Variants in TRMT2A observed in about 807,000 individuals in gnomAD.
The protein encoded by TRMT2A is tRNA (uracil-5-)-methyltransferase homolog A.
TRMT2A carries 60 observed loss-of-function variants against 59.3 expected under a neutral mutation model. The ratio of observed to expected loss-of-function variants is 1.01; its 90% CI spans 0.82 to 1.26. The LOEUF (loss-of-function observed/expected upper bound fraction) is 1.26. TRMT2A is among the 50% of genes most tolerant of loss of function. TRMT2A has a pLI of 0.00. For missense variants in TRMT2A, 863 were observed against 845.2 expected (o/e 1.02, Z -0.26); for synonymous variants, 403 against 353.7 (o/e 1.14, Z -1.56).
In TRMT2A at chr22:20,114,678, G is replaced by T. The variant is rs759361184; in HGVS notation, c.1129C>A (p.Pro377Thr). ...TCCAGGGGCAGGCCCTCCTGGCTAG[G>T]AGTCTTTCTGTGGGCGAAGGTGCAG... ...YFVEEGQRKTPSQEGLPLEHV... is the reference protein window; with the variant it reads ...YFVEEGQRKTTSQEGLPLEHV... The change falls in exon 7 of 12, where the codon CCT becomes ACT. Residue 377 changes from proline to threonine, a missense_variant. Physicochemically the swap from Pro to Thr is conservative, Grantham distance 38. Coordinates refer to ENST00000252136, the MANE Select transcript of TRMT2A (RefSeq NM_022727.6). The T allele has an allele frequency of 1.2e-6, 2 of 1,613,444 alleles. No homozygotes were observed. Among genetic ancestry groups the T allele is most frequent in the Non-Finnish European group, 1.7e-6 (2 of 1,179,990 alleles).
Position 20,113,453 on chromosome 22 carries a change from G to A in TRMT2A, c.1411C>T (p.Arg471Trp), listed in dbSNP as rs201281385. 6.5e-6 allele frequency: 9 copies of A among 1,391,758 alleles called. No homozygotes were observed. Among genetic ancestry groups the A allele is most frequent in the East Asian group, 3.8e-5 (1 of 26,078 alleles). 86.2% of individuals were successfully genotyped at this position (1,391,758 alleles called of 1,614,324 possible). ...TCACCATTGTCCTGGGCGTTCACCC[G>A]GGCGTCCTCCACAGCCTCTGGGCAT... is the stretch of plus-strand genomic sequence containing the variant. ...ELCPEAVEDARVNAQDNELSN... is the reference protein window; with the variant it reads ...ELCPEAVEDAWVNAQDNELSN... Residue 471 changes from arginine (R) to tryptophan (W), a missense_variant, in exon 9 of 12, where the codon CGG becomes TGG. By Grantham distance (101) the Arg-to-Trp change is moderately radical (BLOSUM62 -3). Coordinates refer to ENST00000252136, the MANE Select transcript of TRMT2A (RefSeq NM_022727.6).
In TRMT2A at chr22:20,116,518, T is replaced by TCCAGGGCTG; in HGVS notation, c.110_118dup (p.Ala37_Leu39dup). On this transcript the variant is annotated inframe_insertion, in exon 2 of 12. Transcript: ENST00000252136. ...CCCAGCGCCCTCTTTCTCCACCTCCTCCAGGGCTGCCGGGGCTGCAGGGGG... is the reference window on the plus strand; with the variant it reads ...CCCAGCGCCCTCTTTCTCCACCTCCTCCAGGGCTGCCAGGGCTGCCGGGGCTGCAGGGGG... 6.2e-7 allele frequency: 1 copy of TCCAGGGCTG among 1,611,168 alleles called. No individual in the cohort carries two copies. The highest frequency in any genetic ancestry group is 8.5e-7 in the Non-Finnish European group (1 of 1,179,486).
chr22:20,115,902 T>G (rs2049999277), intron 2 of TRMT2A, 122 bp from the exon 3 acceptor site: 3 of 1,376,674 alleles, frequency 2.2e-6, no homozygotes, highest in South Asian at 2.8e-5. Flanking sequence ...CACTGTGACG[T>G]GGGTGTCTTG....
Position 20,117,184 on chromosome 22 carries a change from T to C in TRMT2A, c.-278A>G. 1 of 548,100 alleles carries C rather than the reference T, an allele frequency of 1.8e-6. No homozygotes were observed. The highest frequency in any genetic ancestry group is 3.0e-6 in the Non-Finnish European group (1 of 329,624). 34.0% of individuals were successfully genotyped at this position (548,100 alleles called of 1,614,324 possible). A position where few individuals can be genotyped will look rare whatever the true frequency, so the allele number is the denominator to read the frequency against. ...GCCGGCCGCTCGCTTCGCCAGCCAC[T>C]CTTAGTCCGCCAGCGCGTGCGGCGG... On this transcript the variant is annotated 5_prime_UTR_variant, in exon 1 of 12. Transcript: ENST00000252136.
rs1340162260 is a variant in TRMT2A at position 20,115,342 on chromosome 22, C to T, written c.814G>A (p.Val272Met). The change falls in exon 4 of 12, where the codon GTG (valine) becomes ATG (methionine). Residue 272 changes from valine (V) to methionine (M), a missense_variant. Coordinates refer to ENST00000252136, the MANE Select transcript of TRMT2A (RefSeq NM_022727.6). ...TGCACGGTGTCAAACGGGGCTGCCA[C>T]AGCACACGTCCCGCCCTTGTACTTG... is the stretch of plus-strand genomic sequence containing the variant. ...LGKYKGGTCAVAAPFDTVHIP... is the reference protein window; with the variant it reads ...LGKYKGGTCAMAAPFDTVHIP... 1 of 1,612,824 alleles carries T rather than the reference C, an allele frequency of 6.2e-7. No homozygotes were observed. The highest frequency in any genetic ancestry group is 8.5e-7 in the Non-Finnish European group (1 of 1,180,002).
At chr22:20,115,503 A>G in intron 3 of TRMT2A, 56 bp from the exon 4 acceptor site, 16 of 1,581,456 alleles carry the variant, frequency 1.0e-5, no homozygotes, top group Non-Finnish European at 1.4e-5. Flanking sequence ...GGGCCTGGAA[A>G]CCCTGATTTC....
chr22:20,114,918 G>T, intron 5 of TRMT2A, 42 bp from the exon 6 acceptor site: 1 of 1,567,250 alleles, frequency 6.4e-7, no homozygotes. Flanking sequence ...CTGTGCTGAG[G>T]CCCACCTAGG....
chr22:20,112,905 ACT>A lies in TRMT2A; in HGVS notation c.1646+4_1646+5del. ...AGCCCCCACCCAGGCCCCTGCAGAC[ACT>A]CACTCCACAAAGTTGCCCATGGCTG... On this transcript the variant is annotated splice_donor_5th_base_variant and intron_variant, in intron 11 of 11. Transcript: ENST00000252136. The A allele has an allele frequency of 6.2e-7, 1 of 1,613,490 alleles. No homozygotes were observed. The highest frequency in any genetic ancestry group is 8.5e-7 in the Non-Finnish European group (1 of 1,179,958).
At chr22:20,113,546 G>A in intron 8 of TRMT2A, 39 bp from the exon 9 acceptor site, 1 of 1,611,938 alleles carries the variant, frequency 6.2e-7, no homozygotes, top group Non-Finnish European at 8.5e-7. Flanking sequence ...ACCCAGGGAG[G>A]GGAGTACATG....
Position 20,116,104 on chromosome 22 carries a change from A to G in TRMT2A, c.533T>C (p.Val178Ala). ...VADVVTPLWT[V>A]PYAEQLERKQ... The stretch of plus-strand genomic sequence containing the variant: ...CCGCTCAAGCTGCTCAGCATAGGGC[A>G]CTGTCCATAGAGGGGTCACCACGTC... Residue 178 changes from valine to alanine, a missense_variant, in exon 2 of 12, where the codon GTG (valine) becomes GCG (alanine). Transcript: ENST00000252136. The G allele has an allele frequency of 6.2e-7, 1 of 1,608,154 alleles. No homozygotes were observed. The highest frequency in any genetic ancestry group is 1.1e-5 in the South Asian group (1 of 90,800).
Position 20,114,945 on chromosome 22 carries a change from A to T in TRMT2A, c.1005+20T>A. 6.4e-7 allele frequency: 1 copy of T among 1,574,674 alleles called. No individual in the cohort carries two copies. ...CCACCTAGGCTAGGCACCCTCCCCC[A>T]GCAGGGCCCCCGTTGAGACCTGGGG... On this transcript the variant is annotated intron_variant, in intron 5 of 11. Coordinates refer to ENST00000252136, the MANE Select transcript of TRMT2A (RefSeq NM_022727.6).
Position 20,114,582 on chromosome 22 carries a change from A to C in TRMT2A, c.1225T>G (p.Phe409Val). The change falls in exon 7 of 12, where the codon TTC becomes GTC. Residue 409 changes from phenylalanine (F) to valine (V), a missense_variant. Transcript: ENST00000252136. Reference sequence around the variant, plus strand: ...CAGGGACTCATGGCTACCTGGAAGAAGGCGTGTGGAGAGATCCGGAAGGTC... The same window carrying C: ...CAGGGACTCATGGCTACCTGGAAGACGGCGTGTGGAGAGATCCGGAAGGTC... ...GLTFRISPHA[F>V]FQVNTPAAEV... The C allele has an allele frequency of 6.2e-7, 1 of 1,613,548 alleles. No homozygotes were observed. Among genetic ancestry groups the C allele is most frequent in the Non-Finnish European group, 8.5e-7 (1 of 1,179,822 alleles).
At chr22:20,114,486 C>T (rs1279755123) in intron 7 of TRMT2A, 88 bp downstream of exon 7, 48 of 1,115,984 alleles carry the variant, frequency 4.3e-5, no homozygotes, top group Middle Eastern at 2.0e-4. Flanking sequence ...CAAATCTCAC[C>T]GCCTGAGCCC....
chr22:20,113,400 T>TCCC, intron 9 of TRMT2A, 32 bp downstream of exon 9: 10 of 1,049,420 alleles, frequency 9.5e-6, no homozygotes, highest in Non-Finnish European at 1.3e-5. Flanking sequence ...GCTGCCCCCA[T>TCCC]CCCCACCCCC....
chr22:20,116,594 T>A lies in TRMT2A; in HGVS notation c.43A>T (p.Ser15Cys). The A allele has an allele frequency of 6.5e-7, 1 of 1,548,172 alleles. No individual in the cohort carries two copies. Among genetic ancestry groups the A allele is most frequent in the Non-Finnish European group, 8.7e-7 (1 of 1,152,646 alleles). ...GCACTGCTGCTCTCCTGGCCACAGC[T>A]CTCCATGGGCTTCGGGCCCTGTGTG... Reference protein sequence around the residue: ...LDNEGPKPMESCGQESSSALS... With the variant: ...LDNEGPKPMECCGQESSSALS... Residue 15 changes from serine to cysteine, a missense_variant, in exon 2 of 12, where the codon AGC becomes TGC. By Grantham distance (112) the Ser-to-Cys change is moderately radical. Coordinates refer to ENST00000252136, the MANE Select transcript of TRMT2A (RefSeq NM_022727.6).
At chr22:20,115,975 G>C (rs2050002471) in intron 2 of TRMT2A, 63 bp downstream of exon 2, 4 of 1,508,538 alleles carry the variant, frequency 2.7e-6, no homozygotes, top group Non-Finnish European at 3.6e-6. Context: ...TGCATGGACA[G>C]GCTGAGGAAG....
At chr22:20,115,168 C>A in intron 4 of TRMT2A, 89 bp from the exon 5 acceptor site, 1 of 1,570,128 alleles carries the variant, frequency 6.4e-7, no homozygotes, top group South Asian at 1.1e-5. Context: ...CTTCATCTGG[C>A]TGAAATGGCA....
Position 20,114,669 on chromosome 22 carries a change from C to T in TRMT2A, c.1138G>A (p.Glu380Lys), listed in dbSNP as rs773389028. Residue 380 changes from glutamate (E) to lysine (K), a missense_variant, in exon 7 of 12, where the codon GAG becomes AAG. Physicochemically the swap from Glu to Lys is moderately conservative, Grantham distance 56 (BLOSUM62 1). Transcript: ENST00000252136. ...GCCACATGCTCCAGGGGCAGGCCCT[C>T]CTGGCTAGGAGTCTTTCTGTGGGCG... is the stretch of plus-strand genomic sequence containing the variant. ...EEGQRKTPSQEGLPLEHVAGD... is the reference protein window; with the variant it reads ...EEGQRKTPSQKGLPLEHVAGD... The T allele has an allele frequency of 6.2e-7, 1 of 1,613,634 alleles. No individual in the cohort carries two copies. The highest frequency in any genetic ancestry group is 8.5e-7 in the Non-Finnish European group (1 of 1,179,994).
chr22:20,116,744 C>T lies in TRMT2A; in HGVS notation c.25-132G>A, dbSNP rs1260857452. On this transcript the variant is annotated intron_variant, in intron 1 of 11. Coordinates refer to ENST00000252136, the MANE Select transcript of TRMT2A (RefSeq NM_022727.6). ...CAGCCCTGCCCCTCCCCCAGTCTAC[C>T]CTCCCGACCCCATTCCCGTCTCCTT... 46 of 1,395,890 alleles carry T rather than the reference C, an allele frequency of 3.3e-5. 1 individual carries two copies. In the South Asian group the frequency reaches 5.9e-4, roughly 18 times the overall value. The allele number at this position is 1,395,890 out of a possible 1,614,324, so 86.5% of individuals were successfully genotyped here.
Sources: gnomAD v4.1 joint callset for allele counts on GRCh38, gnomAD v4.1.1 for gene constraint, MANE v1.5 for transcripts, NCBI Gene and HGNC (gene_info 2026-07-23, HGNC 2026-07-21) for gene names.